Variants in RAB37 observed in about 807,000 individuals in gnomAD.
The protein encoded by RAB37 is RAB37, member RAS oncogene family, also known as ras-related protein Rab-37.
A neutral mutation model predicts 33.1 loss-of-function variants in RAB37; 29 were observed. The ratio of observed to expected loss-of-function variants is 0.88; its 90% CI spans 0.65 to 1.20. RAB37 has a LOEUF of 1.20. Ranked by LOEUF, RAB37 falls within the 50% of genes most tolerant of loss-of-function variation. The pLI is 0.00. For synonymous variants in RAB37, 128 were observed against 119.5 expected (o/e 1.07, Z -0.47); for missense variants, 299 against 301.1 (o/e 0.99, Z 0.05).
chr17:74,717,575 G>A lies in RAB37; in HGVS notation c.73-11681G>A, dbSNP rs531273978. Among the ~76,000 whole-genome samples, 245 of 151,990 alleles carry A rather than the reference G, an allele frequency of 1.6e-3. 1 individual carries two copies. Among genetic ancestry groups the A allele is most frequent in the African/African-American group, 5.6e-3 (232 of 41,434 alleles). Reference sequence around the variant, plus strand: ...TGTAACCCCAGCACTTAGGGAGGCCGAGGCAGGCAGATCACCTGAGGTCGG... The same window carrying A: ...TGTAACCCCAGCACTTAGGGAGGCCAAGGCAGGCAGATCACCTGAGGTCGG... On this transcript the variant is annotated intron_variant, in intron 1 of 7. Transcript: ENST00000340415.
At chr17:74,708,940 G>T (rs1445899858) in intron 1 of RAB37, among the ~76,000 whole-genome samples, 2 of 147,788 alleles carry the variant, frequency 1.4e-5, no homozygotes, top group East Asian at 4.0e-4. Flanking sequence ...AAATCAATAA[G>T]GAGGCCAGGC....
intron 5 of RAB37, 116 bp downstream of exon 5, chr17:74,743,456 C>A: frequency 1.0e-6 from 1 of 989,080 alleles, no homozygotes; most frequent in Non-Finnish European, 1.6e-6. Context: ...CTCCTGCCTT[C>A]TGAAAAACAC....
Position 74,745,965 on chromosome 17 carries a change from G to C in RAB37, c.*554G>C, listed in dbSNP as rs1245502366. ...GACCAAAGCCTCAGGGAAGATAAGA[G>C]ATATGGAGATGGGAGGGGGAGGACA... On this transcript the variant is annotated 3_prime_UTR_variant, in exon 9 of 9. Coordinates refer to ENST00000392613, the MANE Select transcript of RAB37 (RefSeq NM_001006638.3). The surrounding 1 kb of genome is among the most constrained non-coding windows in gnomAD (Gnocchi z 4.5). 1.3e-5 allele frequency: 2 copies of C among 153,038 alleles called. No individual in the cohort carries two copies. Among genetic ancestry groups the C allele is most frequent in the Admixed American group, 1.3e-4 (2 of 15,320 alleles). 9.5% of individuals were successfully genotyped at this position (153,038 alleles called of 1,614,324 possible).
chr17:74,692,778 G>C (rs1401851059), intron 1 of RAB37, among the ~76,000 whole-genome samples: 1 of 152,198 alleles, frequency 6.6e-6, no homozygotes, highest in African/African-American at 2.4e-5. Context: ...CTTCTGGGCA[G>C]TCAATCCTGA....
In RAB37 at chr17:74,676,742, A is replaced by G. The variant is rs1294207964; in HGVS notation, c.72+5084A>G. Among the ~76,000 whole-genome samples, 1 of 152,218 alleles carries G rather than the reference A, an allele frequency of 6.6e-6. No individual in the cohort carries two copies. The highest frequency in any genetic ancestry group is 1.9e-4 in the East Asian group (1 of 5,200). On this transcript the variant is annotated intron_variant, in intron 1 of 7. Transcript: ENST00000340415. This position sits in a 1 kb window ranked among gnomAD's most constrained non-coding sequence, Gnocchi z 4.1. ...TGCACACAAATGGCTATACTTTTAT[A>G]TAATTCCAGAAGTGTCCTAAGAAAG...
intron 1 of RAB37, among the ~76,000 whole-genome samples, chr17:74,703,884 G>A (rs980742828): frequency 2.6e-4 from 40 of 152,222 alleles, no homozygotes; most frequent in African/African-American, 9.6e-4. Flanking sequence ...CATTCTAGAA[G>A]GACATAGGAA....
chr17:74,679,142 C>A (rs1275849408), intron 1 of RAB37, among the ~76,000 whole-genome samples: 1 of 151,098 alleles, frequency 6.6e-6, no homozygotes, highest in African/African-American at 2.4e-5. Context: ...GTAAACATTT[C>A]TCCTCCTCTT....
intron 1 of RAB37, chr17:74,705,253 C>T (rs756139194): frequency 1.4e-6 from 1 of 702,108 alleles, no homozygotes; most frequent in Non-Finnish European, 2.6e-6. Context: ...GAGGCAGCCA[C>T]ATCAGATGGC....
intron 1 of RAB37, among the ~76,000 whole-genome samples, chr17:74,728,528 G>A (rs1299422952): frequency 1.3e-5 from 2 of 151,648 alleles, no homozygotes; most frequent in African/African-American, 4.9e-5. Flanking sequence ...GTGTTTCTCT[G>A]TGTGTGCATG....
intron 1 of RAB37, among the ~76,000 whole-genome samples, chr17:74,677,072 C>A (rs922734821): frequency 2.6e-5 from 4 of 152,066 alleles, no homozygotes; most frequent in Non-Finnish European, 4.4e-5. Flanking sequence ...ATCGCTTGAA[C>A]CCAGGAAGCA....
At chr17:74,722,223 C>T (rs1179410533) in intron 1 of RAB37, among the ~76,000 whole-genome samples, 3 of 150,274 alleles carry the variant, frequency 2.0e-5, no homozygotes, top group Admixed American at 6.7e-5. Flanking sequence ...GCAGAGCTTG[C>T]AGTGAGTCAA....
chr17:74,695,349 C>G (rs940852506), intron 1 of RAB37: 2 of 1,439,678 alleles, frequency 1.4e-6, no homozygotes, highest in African/African-American at 2.8e-5. Context: ...ATGGACCATT[C>G]AGGGCTTCTA....
At chr17:74,736,837 G>A (rs979213189), upstream of RAB37, 1 of 1,530,734 alleles carries the variant, frequency 6.5e-7, no homozygotes, top group Non-Finnish European at 8.7e-7. Flanking sequence ...CAGCCCAGGG[G>A]TCCCCAGCTC....
Position 74,745,312 on chromosome 17 carries a change from G to A in RAB37, c.573G>A (p.Leu191=). Residue 191 remains leucine (L), a synonymous_variant, in exon 9 of 9, where the codon CTG becomes CTA. Transcript: ENST00000392613. The surrounding 1 kb of genome is among the most constrained non-coding windows in gnomAD (Gnocchi z 4.5). ...CCATTGTCTCTTCTTCAAGGGAACT[G>A]AAATACCGGGCCGGGCATCAGGCGG... ...ELAFLAIAKE[L]KYRAGHQADE... 1.9e-6 allele frequency: 3 copies of A among 1,613,980 alleles called. No homozygotes were observed. The highest frequency in any genetic ancestry group is 1.6e-4 in the Middle Eastern group (1 of 6,062).
intron 1 of RAB37, among the ~76,000 whole-genome samples, chr17:74,719,553 G>A (rs536436078): frequency 2.6e-4 from 39 of 151,940 alleles, no homozygotes; most frequent in Non-Finnish European, 4.4e-4. Flanking sequence ...TGTCACCAAG[G>A]CTAGAGTACA....
At chr17:74,725,961 G>T (rs1598308302) in intron 1 of RAB37, among the ~76,000 whole-genome samples, 1 of 151,752 alleles carries the variant, frequency 6.6e-6, no homozygotes, top group African/African-American at 2.4e-5. Context: ...ACCTAGCAGG[G>T]CATTGTGGCT....
rs1183455157 is a variant in RAB37, at chr17:74,747,240, G to T, written c.*1829G>T. ...GCTGACATTGCCAGTCTCTTCTGGG[G>T]CCCAAGGCAGGTTGCAGGAGATCCA... is the stretch of plus-strand genomic sequence containing the variant. On this transcript the variant is annotated 3_prime_UTR_variant, in exon 9 of 9. Coordinates refer to ENST00000392613, the MANE Select transcript of RAB37 (RefSeq NM_001006638.3). 1 of 152,154 alleles carries T rather than the reference G, an allele frequency of 6.6e-6. No homozygotes were observed. Among genetic ancestry groups the T allele is most frequent in the Non-Finnish European group, 1.5e-5 (1 of 68,076 alleles). The allele number at this position is 152,154 out of a possible 1,614,324, so 9.4% of individuals were successfully genotyped here. A position where few individuals can be genotyped will look rare whatever the true frequency, so the allele number is the denominator to read the frequency against.
At chr17:74,726,301 T>A (rs1207399097) in intron 1 of RAB37, among the ~76,000 whole-genome samples, 2 of 149,754 alleles carry the variant, frequency 1.3e-5, no homozygotes, top group Non-Finnish European at 3.0e-5. Flanking sequence ...GAGCCAAGGT[T>A]CAGCTGAATC....
chr17:74,686,016 C>T (rs1210518481), intron 1 of RAB37, among the ~76,000 whole-genome samples: 2 of 152,214 alleles, frequency 1.3e-5, no homozygotes, highest in Non-Finnish European at 2.9e-5. Flanking sequence ...CCAAGCTTTG[C>T]AAGCACCAGC....
Sources: allele counts gnomAD v4.1 joint callset (sites outside exome capture counted in the v4.1 genomes callset), GRCh38; gene constraint gnomAD v4.1.1; non-coding constraint Gnocchi (gnomAD v3.1); transcripts MANE v1.5; gene names NCBI Gene and HGNC (gene_info 2026-07-23, HGNC 2026-07-21).